PDE3A: variants seen among roughly 807,000 people sequenced by gnomAD.
The protein encoded by PDE3A is cGMP-inhibited 3',5'-cyclic phosphodiesterase 3A.
PDE3A carries 43 observed loss-of-function variants against 98.3 expected under a neutral mutation model. The ratio of observed to expected loss-of-function variants is 0.44; its 90% CI spans 0.34 to 0.56. PDE3A has a LOEUF of 0.56. PDE3A is among the 20% of genes least tolerant of loss of function. The pLI is 0.01. For missense variants in PDE3A, 1,427 were observed against 1,440.7 expected, an observed-to-expected ratio of 0.99 and a Z score of 0.15; for synonymous variants, 663 against 567.9, an observed-to-expected ratio of 1.17 and a Z score of -2.38.
chr12:20,411,461 T>G (rs1426775515), intron 1 of PDE3A, among the ~76,000 whole-genome samples: 1 of 152,220 alleles, frequency 6.6e-6, no homozygotes, highest in Non-Finnish European at 1.5e-5. Flanking sequence ...TTATGTGTAT[T>G]GTAGCATGTG....
At chr12:20,523,168 C>G (rs1946460159) in intron 1 of PDE3A, among the ~76,000 whole-genome samples, 1 of 152,042 alleles carries the variant, frequency 6.6e-6, no homozygotes, top group Non-Finnish European at 1.5e-5. Flanking sequence ...TGGCAGCATC[C>G]TAGACCAATC....
At chr12:20,595,917 T>C (rs1034898056) in intron 2 of PDE3A, among the ~76,000 whole-genome samples, 8 of 152,312 alleles carry the variant, frequency 5.3e-5, no homozygotes, top group African/African-American at 1.7e-4. Context: ...ACTGAAATGA[T>C]GGTTAAAGAC....
intron 1 of PDE3A, among the ~76,000 whole-genome samples, chr12:20,411,737 G>A (rs1944336328): frequency 6.6e-6 from 1 of 152,116 alleles, no homozygotes; most frequent in Non-Finnish European, 1.5e-5. Flanking sequence ...TGGGTGGTTA[G>A]TGCAATGTAG....
chr12:20,398,609 G>T (rs1220738195), intron 1 of PDE3A, among the ~76,000 whole-genome samples: 2 of 151,868 alleles, frequency 1.3e-5, no homozygotes, highest in Non-Finnish European at 2.9e-5. Context: ...TACTCTAGTG[G>T]CCTTCATTAT....
chr12:20,497,680 A>G (rs1276075260), intron 1 of PDE3A, among the ~76,000 whole-genome samples: 1 of 152,196 alleles, frequency 6.6e-6, no homozygotes, highest in Admixed American at 6.5e-5. Flanking sequence ...AAGGTGGATT[A>G]TTCAAAAGAG....
chr12:20,499,367 T>C (rs189334804), intron 1 of PDE3A, among the ~76,000 whole-genome samples: 10 of 152,254 alleles, frequency 6.6e-5, no homozygotes, highest in African/African-American at 2.4e-4. Flanking sequence ...ATGCAGTGAA[T>C]AGAGAGACTT....
chr12:20,387,089 G>A (rs1397758589), intron 1 of PDE3A, among the ~76,000 whole-genome samples: 3 of 151,984 alleles, frequency 2.0e-5, no homozygotes, highest in Non-Finnish European at 4.4e-5. Flanking sequence ...TTGTAGATGT[G>A]CAGTCATATT....
chr12:20,467,904 C>G (rs1945368208), intron 1 of PDE3A, among the ~76,000 whole-genome samples: 2 of 123,598 alleles, frequency 1.6e-5, no homozygotes, highest in African/African-American at 6.5e-5. Context: ...CACTGCACTC[C>G]AGCCTGGCGA....
chr12:20,552,328 G>C lies in PDE3A; in HGVS notation c.961-4332G>C. ...CTACAAGGTTGTGAAATACTGGCCC[G>C]AGAAGGGGAAGTCCGGGTTTCTCGT... On this transcript the variant is annotated intron_variant, in intron 1 of 15. Transcript: ENST00000359062. This position sits in a 1 kb window ranked among gnomAD's most constrained non-coding sequence, Gnocchi z 5.1. 1.2e-6 allele frequency: 2 copies of C among 1,613,950 alleles called. No homozygotes were observed. Among genetic ancestry groups the C allele is most frequent in the Non-Finnish European group, 1.7e-6 (2 of 1,179,890 alleles).
intron 3 of PDE3A, among the ~76,000 whole-genome samples, chr12:20,615,509 A>G (rs1943982462): frequency 1.3e-5 from 2 of 152,162 alleles, no homozygotes; most frequent in Non-Finnish European, 2.9e-5. Flanking sequence ...ACTTGGGGGT[A>G]TGACTGTGGT....
chr12:20,627,708 T>G (rs576234998), intron 5 of PDE3A, among the ~76,000 whole-genome samples: 3 of 152,324 alleles, frequency 2.0e-5, no homozygotes, highest in Non-Finnish European at 4.4e-5. Context: ...TTGACTTTAG[T>G]TTTTAGTTTC....
At chr12:20,477,227 G>A (rs1286016290) in intron 1 of PDE3A, among the ~76,000 whole-genome samples, 4 of 152,148 alleles carry the variant, frequency 2.6e-5, no homozygotes, top group African/African-American at 9.7e-5. Context: ...TTGAAACAAA[G>A]AAATCCTATG....
At chr12:20,627,394 T>A (rs1944288843) in intron 5 of PDE3A, among the ~76,000 whole-genome samples, 1 of 148,268 alleles carries the variant, frequency 6.7e-6, no homozygotes, top group Admixed American at 6.8e-5. Context: ...GCAACCTCTC[T>A]GACCACGTTC....
At chr12:20,519,194 T>C (rs1246541615) in intron 1 of PDE3A, among the ~76,000 whole-genome samples, 1 of 152,212 alleles carries the variant, frequency 6.6e-6, no homozygotes, top group Non-Finnish European at 1.5e-5. Flanking sequence ...TCTACTTATA[T>C]TTTGAAAGTC....
At chr12:20,541,648 C>G (rs1486054248) in intron 1 of PDE3A, among the ~76,000 whole-genome samples, 1 of 151,948 alleles carries the variant, frequency 6.6e-6, no homozygotes, top group Non-Finnish European at 1.5e-5. Context: ...ATCATCTATT[C>G]CACTTTATTT....
At chr12:20,668,997 T>C (rs1945396747) in intron 15 of PDE3A, among the ~76,000 whole-genome samples, 1 of 150,168 alleles carries the variant, frequency 6.7e-6, no homozygotes, top group South Asian at 2.1e-4. Flanking sequence ...TACAGAGAAG[T>C]GCTTAAAGGA....
chr12:20,535,804 CATTA>C lies in PDE3A; in HGVS notation c.961-20851_961-20848del, dbSNP rs533559913. 4.1e-3 allele frequency among the ~76,000 whole-genome samples: 618 copies of C among 152,080 alleles called. 1 individual carries two copies. Among genetic ancestry groups the C allele is most frequent in the Non-Finnish European group, 7.5e-3 (509 of 67,978 alleles). On this transcript the variant is annotated intron_variant, in intron 1 of 15. Transcript: ENST00000359062. ...GTAAAGGGTAACATATTGGTCAAAACATTAATTATTTGGAGAATTATTCGATTAA... is the reference window on the plus strand; with the variant it reads ...GTAAAGGGTAACATATTGGTCAAAACATTATTTGGAGAATTATTCGATTAA...
At chr12:20,436,825 C>T (rs527288839) in intron 1 of PDE3A, among the ~76,000 whole-genome samples, 1 of 152,292 alleles carries the variant, frequency 6.6e-6, no homozygotes, top group South Asian at 2.1e-4. Context: ...TCTTCAGACA[C>T]CCAAACCTTT....
At chr12:20,377,387 A>G (rs949010188) in intron 1 of PDE3A, among the ~76,000 whole-genome samples, 3 of 151,824 alleles carry the variant, frequency 2.0e-5, no homozygotes, top group African/African-American at 4.8e-5. Flanking sequence ...AAAAAAAATG[A>G]AATATTTTGC....
Sources: gnomAD v4.1 joint callset for allele counts (sites outside exome capture counted in the v4.1 genomes callset) on GRCh38, gnomAD v4.1.1 for gene constraint, Gnocchi (gnomAD v3.1) non-coding constraint, MANE v1.5 for transcripts, NCBI Gene and HGNC (gene_info 2026-07-23, HGNC 2026-07-21) for gene names.